Variants in AIDA observed in about 807,000 individuals in gnomAD.
The protein encoded by AIDA is axin interactor, dorsalization associated.
AIDA carries 18 observed loss-of-function variants against 42.7 expected under a neutral mutation model. The observed-to-expected ratio is 0.42, with a 90% CI of 0.29 to 0.63. The LOEUF (loss-of-function observed/expected upper bound fraction) is 0.63. Ranked by LOEUF, AIDA falls within the 20% of genes least tolerant of loss-of-function variation. The probability of loss-of-function intolerance (pLI) is 0.19; values close to 1 mark genes in which losing one functional copy is unlikely to be tolerated. For missense variants in AIDA, 250 were observed against 354.1 expected, an observed-to-expected ratio of 0.71 and a Z score of 2.36; for synonymous variants, 104 against 122.9, an observed-to-expected ratio of 0.85 and a Z score of 1.02.
chr1:222,694,059 G>A (rs533191708), intron 3 of AIDA, 151 bp downstream of exon 3: 23 of 852,766 alleles, frequency 2.7e-5, no homozygotes, highest in South Asian at 8.7e-5. Context: ...TACAATTTAC[G>A]AAATATGAAC....
At chr1:222,681,888 G>A (rs535944129) in intron 6 of AIDA, among the ~76,000 whole-genome samples, 53 of 152,250 alleles carry the variant, frequency 3.5e-4, no homozygotes, top group Admixed American at 2.7e-3. Context: ...AGAGAAAAGC[G>A]GAGGAACATC....
chr1:222,670,466 A>C (rs1180756598), intron 8 of AIDA, among the ~76,000 whole-genome samples: 1 of 152,200 alleles, frequency 6.6e-6, no homozygotes, highest in Non-Finnish European at 1.5e-5. Flanking sequence ...TTATCATCCA[A>C]TTCTACAAAC....
chr1:222,703,307 T>A, intron 1 of AIDA, 90 bp from the exon 2 acceptor site: 1 of 917,674 alleles, frequency 1.1e-6, no homozygotes, highest in Non-Finnish European at 1.6e-6. Flanking sequence ...ACATGTGAAG[T>A]ACAATTATTG....
intron 8 of AIDA, among the ~76,000 whole-genome samples, chr1:222,671,607 A>AT (rs1664450532): frequency 6.6e-6 from 1 of 152,180 alleles, no homozygotes; most frequent in African/African-American, 2.4e-5. Context: ...GGAAAAAAAA[A>AT]CCAATTGCTC....
intron 6 of AIDA, among the ~76,000 whole-genome samples, chr1:222,685,964 A>G (rs1438676207): frequency 6.6e-6 from 1 of 152,210 alleles, no homozygotes; most frequent in Non-Finnish European, 1.5e-5. Context: ...GTTCGAGACC[A>G]GCCTGGCCAA....
At chr1:222,686,753 T>G (rs188902610) in intron 6 of AIDA, among the ~76,000 whole-genome samples, 177 bp downstream of exon 6, 78 of 152,280 alleles carry the variant, frequency 5.1e-4, no homozygotes, top group African/African-American at 1.8e-3. Context: ...CTGACACAGA[T>G]AGTAAGATAA....
chr1:222,689,520 T>TATATATAC (rs765351898), intron 4 of AIDA, among the ~76,000 whole-genome samples: 2,297 of 57,268 alleles, frequency 0.04, 115 homozygotes, highest in Middle Eastern at 0.069. Context: ...TATATATATA[T>TATATATAC]ACACACATAC....
intron 8 of AIDA, among the ~76,000 whole-genome samples, chr1:222,672,208 C>G (rs1008993082): frequency 1.3e-5 from 2 of 151,838 alleles, no homozygotes; most frequent in Non-Finnish European, 2.9e-5. Flanking sequence ...CTTTTATTAT[C>G]TAGTGAGTCG....
At position 222,676,278 on chromosome 1, in the gene AIDA, AAC is replaced by A. The variant is rs1344619439; in HGVS notation, c.461-62_461-61del. ...TCATTTCACAGTAAACATTTTAATG[AAC>A]ACAGAGAAGATACAGCCTTGCTTGT... On this transcript the variant is annotated intron_variant, in intron 6 of 9. Transcript: ENST00000340020. The A allele has an allele frequency of 2.6e-6, 4 of 1,520,324 alleles. No individual in the cohort carries two copies. The East Asian group carries it at 9.7e-5, about 37-fold the overall frequency. The allele number at this position is 1,520,324 out of a possible 1,614,324, so 94.2% of individuals were successfully genotyped here. A position where few individuals can be genotyped will look rare whatever the true frequency, so the allele number is the denominator to read the frequency against.
rs774993491 is a variant in AIDA at position 222,676,102 on chromosome 1, C to T, written c.577G>A (p.Val193Ile). ...QCIDPYITVS[V>I]KDLNGIDLTP... The stretch of plus-strand genomic sequence containing the variant: ...AGTAAACAGAGTCACTTACCCTTTA[C>T]ACTAACTGTAATATAGGGATCGATG... The change falls in exon 7 of 10, where the codon GTA becomes ATA. Residue 193 changes from valine to isoleucine, a missense_variant. Physicochemically the swap from Val to Ile is conservative, Grantham distance 29. Transcript: ENST00000340020. The T allele has an allele frequency of 1.9e-6, 3 of 1,585,106 alleles. No homozygotes were observed. The highest frequency in any genetic ancestry group is 1.2e-5 in the South Asian group (1 of 85,792).
intron 1 of AIDA, among the ~76,000 whole-genome samples, chr1:222,703,898 T>C (rs1282506021): frequency 6.6e-6 from 1 of 152,172 alleles, no homozygotes; most frequent in Non-Finnish European, 1.5e-5. Flanking sequence ...AAAACTTGTA[T>C]AGTTTAGTTT....
intron 7 of AIDA, among the ~76,000 whole-genome samples, chr1:222,675,199 CTG>C (rs1382869473): frequency 6.6e-6 from 1 of 152,192 alleles, no homozygotes; most frequent in Non-Finnish European, 1.5e-5. Flanking sequence ...CAGCCCCTAT[CTG>C]TTTCTCTGAC....
intron 1 of AIDA, 168 bp downstream of exon 1, chr1:222,712,040 A>T: frequency 9.9e-7 from 1 of 1,008,048 alleles, no homozygotes; most frequent in Non-Finnish European, 1.4e-6. Flanking sequence ...CGTTGTCCCT[A>T]GAGCAGCCTC....
intron 2 of AIDA, among the ~76,000 whole-genome samples, chr1:222,699,762 A>C (rs1482623227): frequency 6.6e-6 from 1 of 151,912 alleles, no homozygotes; most frequent in East Asian, 1.9e-4. Flanking sequence ...TTGCATTTTT[A>C]AAGAAAATTA....
intron 1 of AIDA, among the ~76,000 whole-genome samples, chr1:222,707,372 G>C (rs1240153546): frequency 1.3e-5 from 2 of 152,102 alleles, no homozygotes; most frequent in Non-Finnish European, 2.9e-5. Flanking sequence ...TGCCAAGGCT[G>C]GTCTTGAACT....
intron 6 of AIDA, among the ~76,000 whole-genome samples, chr1:222,676,750 G>C (rs986280231): frequency 4.6e-5 from 7 of 151,796 alleles, no homozygotes; most frequent in African/African-American, 1.7e-4. Context: ...CGACCTCCCA[G>C]GTTCAAGCGA....
chr1:222,686,378 C>G (rs1029424635), intron 6 of AIDA, among the ~76,000 whole-genome samples: 1 of 152,140 alleles, frequency 6.6e-6, no homozygotes, highest in African/African-American at 2.4e-5. Context: ...TGCTAAACAT[C>G]TTGTTTCTTC....
At chr1:222,695,070 G>A (rs3008639) in intron 2 of AIDA, among the ~76,000 whole-genome samples, 6,475 of 152,278 alleles carry the variant, frequency 0.043, 174 homozygotes, top group East Asian at 0.13. Flanking sequence ...TTGAGAGAAG[G>A]GGGCTGTCAT....
intron 7 of AIDA, 22 bp from the exon 8 acceptor site, chr1:222,673,457 CTT>C (rs1283810425): frequency 6.5e-7 from 1 of 1,543,020 alleles, no homozygotes; most frequent in African/African-American, 1.4e-5. Context: ...AGAAGTTTCT[CTT>C]TAGGAACATT....
Sources: allele counts gnomAD v4.1 joint callset (sites outside exome capture counted in the v4.1 genomes callset), GRCh38; gene constraint gnomAD v4.1.1; transcripts MANE v1.5; gene names NCBI Gene and HGNC (gene_info 2026-07-23, HGNC 2026-07-21).